The following ARMH3 variants were observed in gnomAD, a reference collection of about 807,000 sequenced individuals.
The protein encoded by ARMH3 is armadillo like helical domain containing 3, also known as armadillo-like helical domain-containing protein 3.
Under a neutral mutation model 99.1 loss-of-function variants are expected in ARMH3, and 60 were observed. The ratio of observed to expected loss-of-function variants is 0.61; its 90% CI spans 0.49 to 0.75. ARMH3 has a LOEUF of 0.75. Ranked by LOEUF, ARMH3 falls within the 30% of genes least tolerant of loss-of-function variation. The probability of loss-of-function intolerance (pLI) is 0.00; values close to 1 mark genes in which losing one functional copy is unlikely to be tolerated. For missense variants in ARMH3, 679 were observed against 843.1 expected (o/e 0.81, Z 2.41); for synonymous variants, 285 against 292.8 (o/e 0.97, Z 0.27).
chr10:101,892,581 T>C (rs2067720529), intron 23 of ARMH3, among the ~76,000 whole-genome samples: 1 of 152,078 alleles, frequency 6.6e-6, no homozygotes, highest in Admixed American at 6.5e-5. Flanking sequence ...AACCATTTAA[T>C]CTAATTCAGG....
intron 2 of ARMH3, among the ~76,000 whole-genome samples, chr10:102,036,718 C>T (rs1379559749): frequency 6.6e-6 from 1 of 151,972 alleles, no homozygotes; most frequent in African/African-American, 2.4e-5. Context: ...TCTCAAGTAC[C>T]CAGGGACACA....
At chr10:102,010,258 T>C (rs2066602499) in intron 11 of ARMH3, among the ~76,000 whole-genome samples, 1 of 152,206 alleles carries the variant, frequency 6.6e-6, no homozygotes, top group South Asian at 2.1e-4. Flanking sequence ...TAGTAAATCA[T>C]CTTGCCTACT....
chr10:101,860,146 T>C (rs938828160), intron 24 of ARMH3, among the ~76,000 whole-genome samples: 3 of 152,212 alleles, frequency 2.0e-5, no homozygotes, highest in Non-Finnish European at 4.4e-5. Context: ...AAATGCTCAC[T>C]ATATATACCA....
intron 24 of ARMH3, among the ~76,000 whole-genome samples, chr10:101,851,130 A>C (rs2066591021): frequency 6.6e-6 from 1 of 152,160 alleles, no homozygotes; most frequent in Non-Finnish European, 1.5e-5. Context: ...TAGAGCCTTT[A>C]TTCTGTGGGG....
chr10:101,938,935 A>G (rs1016858382), intron 23 of ARMH3, among the ~76,000 whole-genome samples: 1 of 152,150 alleles, frequency 6.6e-6, no homozygotes, highest in Admixed American at 6.5e-5. Context: ...TTATGCCCAG[A>G]TGTGCCAAAC....
At chr10:101,943,404 GT>G (rs1425004155) in intron 22 of ARMH3, among the ~76,000 whole-genome samples, 2 of 151,518 alleles carry the variant, frequency 1.3e-5, no homozygotes, top group African/African-American at 4.9e-5. Flanking sequence ...TATCAGGCAG[GT>G]TCTGGAAATG....
chr10:101,904,150 G>T (rs566779898), intron 23 of ARMH3, among the ~76,000 whole-genome samples: 2 of 152,200 alleles, frequency 1.3e-5, no homozygotes, highest in Non-Finnish European at 2.9e-5. Context: ...GCAGCTGCCT[G>T]TTATAAGAGT....
At chr10:102,010,364 T>A (rs1003776624) in intron 11 of ARMH3, among the ~76,000 whole-genome samples, 2 of 152,240 alleles carry the variant, frequency 1.3e-5, no homozygotes, top group African/African-American at 4.8e-5. Context: ...CCTACACATC[T>A]TCATCACTCT....
chr10:101,870,403 T>C (rs994984317), intron 24 of ARMH3, among the ~76,000 whole-genome samples: 1 of 152,158 alleles, frequency 6.6e-6, no homozygotes, highest in Non-Finnish European at 1.5e-5. Flanking sequence ...ATATATGCAT[T>C]TTACTTTGAA....
intron 23 of ARMH3, among the ~76,000 whole-genome samples, chr10:101,931,189 T>C (rs1337426559): frequency 1.3e-5 from 2 of 152,156 alleles, no homozygotes; most frequent in Non-Finnish European, 2.9e-5. Context: ...AGTTCCAAAT[T>C]CAGCCTGACT....
intron 24 of ARMH3, among the ~76,000 whole-genome samples, chr10:101,884,852 C>T (rs1461028465): frequency 6.6e-6 from 1 of 151,654 alleles, no homozygotes; most frequent in Non-Finnish European, 1.5e-5. Context: ...GCATAAAGGA[C>T]ACTAACAATA....
At chr10:102,022,491 T>TAAA (rs745889967) in intron 8 of ARMH3, among the ~76,000 whole-genome samples, 1 of 85,364 alleles carries the variant, frequency 1.2e-5, no homozygotes, top group Non-Finnish European at 2.3e-5. Context: ...GACTCTGACT[T>TAAA]AAAAAAAAAA....
chr10:101,940,579 CT>C (rs780342025), intron 22 of ARMH3, among the ~76,000 whole-genome samples: 1 of 151,968 alleles, frequency 6.6e-6, no homozygotes, highest in Non-Finnish European at 1.5e-5. Context: ...TTAGGTATAT[CT>C]CCTAATGCTA....
chr10:102,008,883 G>A (rs2066568741), intron 13 of ARMH3, among the ~76,000 whole-genome samples: 1 of 151,998 alleles, frequency 6.6e-6, no homozygotes, highest in South Asian at 2.1e-4. Context: ...AGTATTCTAT[G>A]ACTTCCTTTC....
intron 14 of ARMH3, among the ~76,000 whole-genome samples, chr10:102,002,361 T>C (rs145624097): frequency 4.1e-4 from 63 of 152,146 alleles, no homozygotes; most frequent in African/African-American, 1.4e-3. Context: ...TGATTCCACT[T>C]CCTGCCCCAA....
intron 20 of ARMH3, among the ~76,000 whole-genome samples, chr10:101,966,150 T>C (rs899462376): frequency 2.0e-4 from 30 of 148,080 alleles, no homozygotes; most frequent in African/African-American, 7.5e-4. Context: ...TCACCCAGGC[T>C]GGAGTGGTGC....
chr10:101,849,370 A>G (rs2066533477), intron 25 of ARMH3, among the ~76,000 whole-genome samples: 1 of 152,210 alleles, frequency 6.6e-6, no homozygotes, highest in South Asian at 2.1e-4. Context: ...CAGGGAATGG[A>G]GACTGGAGAA....
At chr10:102,043,656 A>G (rs1590229616) in intron 1 of ARMH3, among the ~76,000 whole-genome samples, 1 of 152,246 alleles carries the variant, frequency 6.6e-6, no homozygotes, top group African/African-American at 2.4e-5. Flanking sequence ...CTGGCAAAGA[A>G]GCAAATACAG....
intron 1 of ARMH3, among the ~76,000 whole-genome samples, chr10:102,046,583 C>T (rs1029835062): frequency 5.3e-5 from 8 of 151,680 alleles, no homozygotes; most frequent in Non-Finnish European, 7.4e-5. Context: ...ACCGAGGAGG[C>T]GGAGGTTGCA....
Sources: gnomAD v4.1 joint callset for allele counts (sites outside exome capture counted in the v4.1 genomes callset) on GRCh38, gnomAD v4.1.1 for gene constraint, MANE v1.5 for transcripts, NCBI Gene and HGNC (gene_info 2026-07-23, HGNC 2026-07-21) for gene names.